Variants in TMEM19 observed in about 807,000 individuals in gnomAD.
TMEM19 encodes the protein transmembrane protein 19.
TMEM19 carries 21 observed loss-of-function variants against 33.6 expected under a neutral mutation model. The ratio of observed to expected loss-of-function variants is 0.62; its 90% CI spans 0.44 to 0.90. TMEM19 has a LOEUF of 0.90. Among genes scored for constraint, TMEM19 ranks in the 40% least tolerant of loss-of-function variants. TMEM19 has a pLI of 0.00. For synonymous variants in TMEM19, 149 were observed against 147.5 expected (o/e 1.01, Z -0.07); for missense variants, 402 against 401.8 (o/e 1.00, Z 0.00).
In TMEM19 at chr12:71,701,051, C is replaced by A; in HGVS notation, c.*56C>A. ...GTGAGTCCAGCTAAATTTGCAATTC[C>A]AACTTTCATCCTAAGAATAATAACT... is the stretch of plus-strand genomic sequence containing the variant. On this transcript the variant is annotated 3_prime_UTR_variant, in exon 6 of 6. Coordinates refer to ENST00000266673, the MANE Select transcript of TMEM19 (RefSeq NM_018279.4). The A allele has an allele frequency of 6.8e-7, 1 of 1,465,896 alleles. No homozygotes were observed. The allele number at this position is 1,465,896 out of a possible 1,614,324, so 90.8% of individuals were successfully genotyped here.
At chr12:71,691,076 A>AAAT (rs1336817934) in intron 2 of TMEM19, among the ~76,000 whole-genome samples, 5 of 152,318 alleles carry the variant, frequency 3.3e-5, no homozygotes, top group African/African-American at 1.2e-4. Context: ...ATTAAATGCG[A>AAAT]TAATTTAAAG....
chr12:71,686,905 G>A, intron 1 of TMEM19, 95 bp downstream of exon 1: 1 of 1,253,466 alleles, frequency 8.0e-7, no homozygotes. Context: ...TCCTCTGAAT[G>A]GTTATGAATG....
At chr12:71,693,207 T>G (rs1881814030) in intron 2 of TMEM19, among the ~76,000 whole-genome samples, 1 of 151,434 alleles carries the variant, frequency 6.6e-6, no homozygotes, top group African/African-American at 2.4e-5. Flanking sequence ...AAAAAAAATT[T>G]TTTTTTAGAG....
At position 71,701,082 on chromosome 12, in the gene TMEM19, G is replaced by T; in HGVS notation, c.*87G>T. On this transcript the variant is annotated 3_prime_UTR_variant, in exon 6 of 6. Coordinates refer to ENST00000266673, the MANE Select transcript of TMEM19 (RefSeq NM_018279.4). ...TCATCCTAAGAATAATAACTGTAAT[G>T]GCAAAGCGGAAATGCCAGTTCCTCC... The T allele has an allele frequency of 7.4e-7, 1 of 1,356,076 alleles. No homozygotes were observed. Among genetic ancestry groups the T allele is most frequent in the South Asian group, 1.8e-5 (1 of 56,404 alleles). 84.0% of individuals were successfully genotyped at this position (1,356,076 alleles called of 1,614,324 possible). A position where few individuals can be genotyped will look rare whatever the true frequency, so the allele number is the denominator to read the frequency against.
chr12:71,697,226 T>G, intron 3 of TMEM19, 54 bp from the exon 4 acceptor site: 1 of 1,550,512 alleles, frequency 6.4e-7, no homozygotes, highest in South Asian at 1.3e-5. Context: ...AACTGCATGG[T>G]TTTTCTTCTA....
At chr12:71,700,794 T>G in intron 5 of TMEM19, 38 bp from the exon 6 acceptor site, 2 of 1,497,240 alleles carry the variant, frequency 1.3e-6, no homozygotes, top group Non-Finnish European at 1.8e-6. Flanking sequence ...TGAAGTCATT[T>G]GGGTTTTCTA....
At chr12:71,699,394 A>T in intron 5 of TMEM19, 1 of 545,122 alleles carries the variant, frequency 1.8e-6, no homozygotes, top group Non-Finnish European at 3.2e-6. Context: ...ATCCCAGAAA[A>T]GCAAGACGTT....
rs1460512145 is a variant in TMEM19 at position 71,699,071 on chromosome 12, T to C, written c.809T>C (p.Ile270Thr). The change falls in exon 5 of 6, where the codon ATT (isoleucine) becomes ACT (threonine). Residue 270 changes from isoleucine (I) to threonine (T), a missense_variant. Transcript: ENST00000266673. ...FGGLAGLLGS[I>T]VDSYLGATMQ... Reference sequence around the variant, plus strand: ...GGTTTAGCTGGATTACTAGGATCAATTGTGGACTCATACTTAGGGGCTACA... The same window carrying C: ...GGTTTAGCTGGATTACTAGGATCAACTGTGGACTCATACTTAGGGGCTACA... 1 of 1,614,202 alleles carries C rather than the reference T, an allele frequency of 6.2e-7. No individual in the cohort carries two copies.
At chr12:71,696,803 T>C (rs1359862662) in intron 3 of TMEM19, among the ~76,000 whole-genome samples, 2 of 151,952 alleles carry the variant, frequency 1.3e-5, no homozygotes, top group African/African-American at 4.8e-5. Flanking sequence ...CCTGCAACCA[T>C]GCCTGGCTAA....
Position 71,701,680 on chromosome 12 carries a change from T to C in TMEM19, c.*685T>C, listed in dbSNP as rs1881982195. 8.5e-5 allele frequency: 13 copies of C among 152,252 alleles called. No homozygotes were observed. The highest frequency in any genetic ancestry group is 8.5e-4 in the Admixed American group (13 of 15,292). The allele number at this position is 152,252 out of a possible 1,614,324, so 9.4% of individuals were successfully genotyped here. A position where few individuals can be genotyped will look rare whatever the true frequency, so the allele number is the denominator to read the frequency against. On this transcript the variant is annotated 3_prime_UTR_variant, in exon 6 of 6. Transcript: ENST00000266673. ...AAAAGCAAAAGAATTTTATCTTATA[T>C]CTAAAAAATATATAACTTACTATAT... is the stretch of plus-strand genomic sequence containing the variant.
chr12:71,689,463 T>G, intron 1 of TMEM19, 128 bp from the exon 2 acceptor site: 1 of 717,144 alleles, frequency 1.4e-6, no homozygotes, highest in Non-Finnish European at 2.5e-6. Context: ...TATATTTCTT[T>G]GGTGACTTCA....
At chr12:71,695,784 T>C (rs995679369) in intron 2 of TMEM19, among the ~76,000 whole-genome samples, 8 of 152,198 alleles carry the variant, frequency 5.3e-5, no homozygotes, top group African/African-American at 1.7e-4. Flanking sequence ...AGGTAACTTA[T>C]CCTAATCTTG....
rs1014539922 is a variant in TMEM19, at chr12:71,699,016, G to A, written c.754G>A (p.Ala252Thr). ...TTTTGTGAATGATTTAGACATTTCT[G>A]CCCCGCAGTGGCCAATTATTGCATT... Reference protein sequence around the residue: ...LIFVNDLDISAPQWPIIAFGG... With the variant: ...LIFVNDLDISTPQWPIIAFGG... Residue 252 changes from alanine to threonine, a missense_variant, in exon 5 of 6, where the codon GCC (alanine) becomes ACC (threonine). Transcript: ENST00000266673. 1.2e-6 allele frequency: 2 copies of A among 1,614,112 alleles called. No individual in the cohort carries two copies. The highest frequency in any genetic ancestry group is 1.7e-6 in the Non-Finnish European group (2 of 1,180,018).
At chr12:71,692,567 T>G (rs182119466) in intron 2 of TMEM19, among the ~76,000 whole-genome samples, 62 of 152,330 alleles carry the variant, frequency 4.1e-4, no homozygotes, top group Non-Finnish European at 7.3e-4. Context: ...AATGATCAAA[T>G]GTAGTAGTAG....
rs1336317927 is a variant in TMEM19 at position 71,702,166 on chromosome 12, C to A, written c.*1171C>A. 2 of 152,120 alleles carry A rather than the reference C, an allele frequency of 1.3e-5. No individual in the cohort carries two copies. Among genetic ancestry groups the A allele is most frequent in the Non-Finnish European group, 2.9e-5 (2 of 68,010 alleles). The allele number at this position is 152,120 out of a possible 1,614,324, so 9.4% of individuals were successfully genotyped here. Reference sequence around the variant, plus strand: ...AATGCTTAGAATTCTTTATTGGTGGCCCTACTATGGTGATGATCTAGAACT... The same window carrying A: ...AATGCTTAGAATTCTTTATTGGTGGACCTACTATGGTGATGATCTAGAACT... On this transcript the variant is annotated 3_prime_UTR_variant, in exon 6 of 6. Coordinates refer to ENST00000266673, the MANE Select transcript of TMEM19 (RefSeq NM_018279.4).
At chr12:71,688,431 T>C (rs926342074) in intron 1 of TMEM19, among the ~76,000 whole-genome samples, 2 of 152,182 alleles carry the variant, frequency 1.3e-5, no homozygotes, top group Non-Finnish European at 1.5e-5. Context: ...GGTTTCATCA[T>C]GTTGGCCAGG....
Position 71,703,868 on chromosome 12 carries a change from T to C in TMEM19, c.*2873T>C. On this transcript the variant is annotated 3_prime_UTR_variant, in exon 6 of 6. Coordinates refer to ENST00000266673, the MANE Select transcript of TMEM19 (RefSeq NM_018279.4). ...GGAGATGAGAATTGAGGATAAGAAA[T>C]TGTGTCTCTGTCCTTTTTTTTTTTT... is the stretch of plus-strand genomic sequence containing the variant. The C allele has an allele frequency of 3.6e-6, 1 of 279,636 alleles. No homozygotes were observed. The highest frequency in any genetic ancestry group is 7.5e-6 in the Non-Finnish European group (1 of 133,046). 17.3% of individuals were successfully genotyped at this position (279,636 alleles called of 1,614,324 possible). A position where few individuals can be genotyped will look rare whatever the true frequency, so the allele number is the denominator to read the frequency against.
chr12:71,696,686 GC>G, intron 3 of TMEM19, 113 bp downstream of exon 3: 4 of 998,016 alleles, frequency 4.0e-6, no homozygotes, highest in East Asian at 2.9e-5. Context: ...TTGCTCTGTT[GC>G]CCAGGCTGGA....
rs922546046 is a variant in TMEM19 at position 71,701,100 on chromosome 12, GT to G, written c.*107del. The G allele has an allele frequency of 6.0e-5, 70 of 1,174,198 alleles. No individual in the cohort carries two copies. Among genetic ancestry groups the G allele is most frequent in the Non-Finnish European group, 7.8e-5 (67 of 858,310 alleles). 72.7% of individuals were successfully genotyped at this position (1,174,198 alleles called of 1,614,324 possible). ...CTGTAATGGCAAAGCGGAAATGCCA[GT>G]TCCTCCTGTATTCCATTGAGATGGG... On this transcript the variant is annotated 3_prime_UTR_variant, in exon 6 of 6. Coordinates refer to ENST00000266673, the MANE Select transcript of TMEM19 (RefSeq NM_018279.4).
Sources: allele counts gnomAD v4.1 joint callset (sites outside exome capture counted in the v4.1 genomes callset), GRCh38; gene constraint gnomAD v4.1.1; transcripts MANE v1.5; gene names NCBI Gene and HGNC (gene_info 2026-07-23, HGNC 2026-07-21).